C1orf21: variants seen among roughly 807,000 people sequenced by gnomAD.
C1orf21 encodes the protein chromosome 1 open reading frame 21.
A neutral mutation model predicts 18.7 loss-of-function variants in C1orf21; 3 were observed. That is an observed-to-expected ratio of 0.16 (90% CI 0.07 to 0.42). C1orf21 has a LOEUF of 0.42. C1orf21 is among the 10% of genes least tolerant of loss of function. The pLI is 0.99. For missense variants in C1orf21, 104 were observed against 143.6 expected (o/e 0.72, Z 1.41); for synonymous variants, 41 against 46.4 (o/e 0.88, Z 0.47).
intron 1 of C1orf21, among the ~76,000 whole-genome samples, chr1:184,473,832 C>T (rs1024281700): frequency 1.1e-4 from 16 of 152,278 alleles, no homozygotes; most frequent in Middle Eastern, 3.4e-3. Flanking sequence ...CAAAACTGGT[C>T]TTTCTAATTA....
chr1:184,468,049 TGAGA>T (rs781554649), intron 1 of C1orf21, among the ~76,000 whole-genome samples: 8 of 151,226 alleles, frequency 5.3e-5, no homozygotes, highest in Non-Finnish European at 8.8e-5. Context: ...AAAGAGAGAT[TGAGA>T]GAGAGAGAAA....
chr1:184,578,849 G>C (rs530199249), intron 3 of C1orf21, among the ~76,000 whole-genome samples: 12 of 152,170 alleles, frequency 7.9e-5, no homozygotes, highest in Admixed American at 6.5e-5. Flanking sequence ...GAGTAGGATT[G>C]TATAAAGGGA....
chr1:184,528,656 G>A (rs1173706152), intron 3 of C1orf21, among the ~76,000 whole-genome samples: 4 of 152,068 alleles, frequency 2.6e-5, no homozygotes, highest in Non-Finnish European at 5.9e-5. Context: ...TGTTGGCCAG[G>A]CTGGTCTCGA....
chr1:184,474,546 G>T (rs1430984844), intron 1 of C1orf21, among the ~76,000 whole-genome samples: 2 of 152,116 alleles, frequency 1.3e-5, no homozygotes, highest in African/African-American at 2.4e-5. Context: ...ACCACTAACT[G>T]CTTTTCGGGA....
At chr1:184,558,705 C>T (rs1658912372) in intron 3 of C1orf21, among the ~76,000 whole-genome samples, 1 of 152,212 alleles carries the variant, frequency 6.6e-6, no homozygotes, top group African/African-American at 2.4e-5. Flanking sequence ...GCTTCTTAAG[C>T]TCTCTGTTTC....
chr1:184,568,352 TTTGTACCCA>T (rs1659063330), intron 3 of C1orf21: 2 of 456,016 alleles, frequency 4.4e-6, no homozygotes, highest in Admixed American at 4.9e-5. Flanking sequence ...AAACTTAAAC[TTTGTACCCA>T]TTAAACACTA....
At chr1:184,538,622 G>T (rs553418382) in intron 3 of C1orf21, among the ~76,000 whole-genome samples, 1 of 152,084 alleles carries the variant, frequency 6.6e-6, no homozygotes, top group South Asian at 2.1e-4. Context: ...TCCATTTTGA[G>T]GTCATTTTGT....
At chr1:184,503,682 TG>T (rs1658010261) in intron 2 of C1orf21, among the ~76,000 whole-genome samples, 1 of 152,164 alleles carries the variant, frequency 6.6e-6, no homozygotes. Flanking sequence ...AACAAACTTG[TG>T]TTCAACCCAA....
intron 3 of C1orf21, chr1:184,566,908 C>T (rs1195341413): frequency 2.0e-6 from 1 of 509,512 alleles, no homozygotes; most frequent in Non-Finnish European, 4.0e-6. Context: ...ATTGTCTTCT[C>T]CATCCTATAA....
intron 3 of C1orf21, among the ~76,000 whole-genome samples, chr1:184,558,827 A>G (rs1658913886): frequency 6.6e-6 from 1 of 152,252 alleles, no homozygotes; most frequent in Non-Finnish European, 1.5e-5. Context: ...CAGTTGATAC[A>G]TGCAAAACCA....
intron 3 of C1orf21, among the ~76,000 whole-genome samples, chr1:184,542,986 G>A (rs1658677231): frequency 6.6e-6 from 1 of 152,194 alleles, no homozygotes; most frequent in Non-Finnish European, 1.5e-5. Flanking sequence ...ATACTGCTTA[G>A]TGCAAATAAA....
At chr1:184,590,630 T>G in intron 3 of C1orf21, 109 bp from the exon 4 acceptor site, 2 of 1,059,300 alleles carry the variant, frequency 1.9e-6, no homozygotes, top group Non-Finnish European at 2.9e-6. Flanking sequence ...TAACCAGCCG[T>G]AGTATAGGGC....
At chr1:184,400,705 T>A (rs1161744551) in intron 1 of C1orf21, among the ~76,000 whole-genome samples, 1 of 150,666 alleles carries the variant, frequency 6.6e-6, no homozygotes, top group Non-Finnish European at 1.5e-5. Flanking sequence ...GTTGTTGTTG[T>A]TGATGGGGGT....
intron 1 of C1orf21, among the ~76,000 whole-genome samples, chr1:184,389,935 A>G (rs1045493378): frequency 6.6e-6 from 1 of 152,222 alleles, no homozygotes; most frequent in African/African-American, 2.4e-5. Flanking sequence ...ACTTACAGCC[A>G]TATAATGAGG....
chr1:184,525,504 C>T (rs1258050882), intron 3 of C1orf21, among the ~76,000 whole-genome samples: 2 of 151,976 alleles, frequency 1.3e-5, no homozygotes, highest in African/African-American at 4.8e-5. Context: ...ACTGTATAAT[C>T]AAAAGCCATA....
intron 3 of C1orf21, among the ~76,000 whole-genome samples, chr1:184,584,997 T>G (rs774625761): frequency 5.9e-5 from 9 of 152,342 alleles, no homozygotes; most frequent in Non-Finnish European, 1.2e-4. Flanking sequence ...TCGTGATGAC[T>G]GCATAGCTCT....
intron 1 of C1orf21, among the ~76,000 whole-genome samples, chr1:184,448,187 A>G (rs1657061751): frequency 6.6e-6 from 1 of 152,128 alleles, no homozygotes; most frequent in South Asian, 2.1e-4. Context: ...AGGTTCAAGC[A>G]GTTCTCCTAC....
intron 1 of C1orf21, among the ~76,000 whole-genome samples, chr1:184,400,017 A>AT (rs11296231): frequency 1.1e-4 from 17 of 148,652 alleles, no homozygotes; most frequent in South Asian, 2.2e-4. Flanking sequence ...AACCAACAAG[A>AT]TTTTTTTTTT....
rs944670057 is a variant in C1orf21 at position 184,625,362 on chromosome 1, C to A, written c.*5806C>A. ...CTGTGTCCTGGCATTTCAGTCTAGA[C>A]CTTCAAGGACTGTTCTCTCTTGACA... On this transcript the variant is annotated 3_prime_UTR_variant, in exon 6 of 6. Coordinates refer to ENST00000235307, the MANE Select transcript of C1orf21 (RefSeq NM_030806.4). 1 of 152,604 alleles carries A rather than the reference C, an allele frequency of 6.6e-6. No homozygotes were observed. Among genetic ancestry groups the A allele is most frequent in the African/African-American group, 2.4e-5 (1 of 41,428 alleles). 9.5% of individuals were successfully genotyped at this position (152,604 alleles called of 1,614,324 possible).
Sources: gnomAD v4.1 joint callset for allele counts (sites outside exome capture counted in the v4.1 genomes callset) on GRCh38, gnomAD v4.1.1 for gene constraint, MANE v1.5 for transcripts, NCBI Gene and HGNC (gene_info 2026-07-23, HGNC 2026-07-21) for gene names.